The following RBFOX1 variants were observed in gnomAD, a reference collection of about 807,000 sequenced individuals.
The protein encoded by RBFOX1 is RNA binding fox-1 homolog 1.
Under a neutral mutation model 57.7 loss-of-function variants are expected in RBFOX1, and 8 were observed. The ratio of observed to expected loss-of-function variants is 0.14; its 90% confidence interval spans 0.08 to 0.25. The LOEUF is 0.25. Ranked by LOEUF, RBFOX1 falls within the 10% of genes least tolerant of loss-of-function variation. RBFOX1 has a pLI of 1.00. For missense variants in RBFOX1, 611 were observed against 548.5 expected (o/e 1.11, Z -1.14); for synonymous variants, 326 against 222.4 (o/e 1.47, Z -4.15).
intron 3 of RBFOX1, among the ~76,000 whole-genome samples, chr16:7,032,961 G>C (rs1195103627): frequency 6.6e-6 from 1 of 152,190 alleles, no homozygotes; most frequent in Non-Finnish European, 1.5e-5. Context: ...TTGGGAGACA[G>C]TGTGAGTCAG....
chr16:5,715,352 C>T (rs1456458125), intron 3 of RBFOX1, among the ~76,000 whole-genome samples: 3 of 152,198 alleles, frequency 2.0e-5, no homozygotes, highest in African/African-American at 7.2e-5. Context: ...CCATAACTCA[C>T]CTCTGTCCCT....
intron 3 of RBFOX1, among the ~76,000 whole-genome samples, chr16:6,773,415 G>C (rs1156261796): frequency 1.3e-5 from 2 of 149,114 alleles, no homozygotes; most frequent in Non-Finnish European, 3.0e-5. Context: ...CTATGTGTAT[G>C]TGTGGGAGTT....
intron 1 of RBFOX1, among the ~76,000 whole-genome samples, chr16:5,360,889 G>A (rs972952567): frequency 6.6e-5 from 10 of 152,290 alleles, no homozygotes; most frequent in African/African-American, 2.2e-4. Flanking sequence ...TGCTTTCCCA[G>A]CAGCACAAGC....
chr16:7,517,488 C>T (rs1223230811), intron 4 of RBFOX1, among the ~76,000 whole-genome samples: 3 of 151,660 alleles, frequency 2.0e-5, no homozygotes, highest in African/African-American at 7.3e-5. Context: ...AAATTAGGCC[C>T]TGAATTTGTA....
intron 2 of RBFOX1, among the ~76,000 whole-genome samples, chr16:5,592,880 A>G (rs1544532): frequency 0.63 from 96,302 of 152,008 alleles, 32,964 homozygotes; most frequent in East Asian, 0.97. Flanking sequence ...GGGCCCTGGC[A>G]GCCTGGTAGA....
rs148119544 is a variant in RBFOX1 at position 6,386,963 on chromosome 16, G to T, written c.-64+69906G>T. Among the ~76,000 whole-genome samples, 129 of 152,246 alleles carry T rather than the reference G, an allele frequency of 8.5e-4. 2 individuals carry two copies. The East Asian group carries it at 0.023, about 27-fold the overall frequency. On this transcript the variant is annotated intron_variant, in intron 2 of 15. Transcript: ENST00000550418. The stretch of plus-strand genomic sequence containing the variant: ...GAAAAATAAAGAGAGAGGTGTTGGG[G>T]TAGTTATTGATTCCGCAAAGATGAA...
upstream of RBFOX1, among the ~76,000 whole-genome samples, chr16:6,014,112 T>C (rs1327502941): frequency 1.1e-4 from 16 of 151,924 alleles, no homozygotes; most frequent in Admixed American, 1.0e-3. Context: ...TAAAGTATAA[T>C]AAAAAAATTA....
At chr16:6,077,512 G>T (rs2095922511) in intron 1 of RBFOX1, among the ~76,000 whole-genome samples, 1 of 152,078 alleles carries the variant, frequency 6.6e-6, no homozygotes, top group South Asian at 2.1e-4. Context: ...TCTTGGAATT[G>T]TGTCGTGCTC....
intron 3 of RBFOX1, among the ~76,000 whole-genome samples, chr16:5,610,080 A>G (rs1373463415): frequency 6.6e-6 from 1 of 151,994 alleles, no homozygotes; most frequent in East Asian, 1.9e-4. Context: ...AGTGTATTTT[A>G]CTTACTTGCC....
chr16:5,882,775 T>C (rs1418095226), intron 4 of RBFOX1, among the ~76,000 whole-genome samples: 2 of 152,168 alleles, frequency 1.3e-5, no homozygotes, highest in African/African-American at 2.4e-5. Flanking sequence ...CACAATACAT[T>C]ACTGCAAATT....
chr16:6,067,484 C>G (rs761801401), intron 1 of RBFOX1, among the ~76,000 whole-genome samples: 2 of 152,138 alleles, frequency 1.3e-5, no homozygotes, highest in African/African-American at 2.4e-5. Context: ...AAATCACTAA[C>G]CGTACTTGTC....
At position 6,097,126 on chromosome 16, in the gene RBFOX1, C is replaced by T. The variant is rs562830779; in HGVS notation, c.-127+77134C>T. ...ATCTGATGGTTTGATAAGGGGAAATCGCTTTCACTTCGTTCTTATATTCTT... is the reference window on the plus strand; with the variant it reads ...ATCTGATGGTTTGATAAGGGGAAATTGCTTTCACTTCGTTCTTATATTCTT... On this transcript the variant is annotated intron_variant, in intron 1 of 15. Transcript: ENST00000550418. The surrounding 1 kb of genome is among the most constrained non-coding windows in gnomAD (Gnocchi z 5.0). Among the ~76,000 whole-genome samples, 9 of 152,182 alleles carry T rather than the reference C, an allele frequency of 5.9e-5. No homozygotes were observed. In the South Asian group the frequency reaches 1.5e-3, roughly 25 times the overall value.
chr16:7,163,741 C>T (rs746508175), intron 4 of RBFOX1, among the ~76,000 whole-genome samples: 1 of 152,144 alleles, frequency 6.6e-6, no homozygotes, highest in Non-Finnish European at 1.5e-5. Context: ...ACTGCAACCT[C>T]TGCCTCGTGG....
intron 1 of RBFOX1, among the ~76,000 whole-genome samples, chr16:5,395,993 T>A (rs1317990348): frequency 1.3e-5 from 2 of 152,204 alleles, no homozygotes; most frequent in African/African-American, 4.8e-5. Context: ...ACAGCCCCAC[T>A]GTTGCCTGAA....
chr16:7,281,487 A>C (rs527364414), intron 4 of RBFOX1, among the ~76,000 whole-genome samples: 1 of 152,250 alleles, frequency 6.6e-6, no homozygotes, highest in South Asian at 2.1e-4. Flanking sequence ...ATCTCTCCCA[A>C]GTTTGTAGTG....
At chr16:5,702,688 C>A (rs903405479) in intron 3 of RBFOX1, among the ~76,000 whole-genome samples, 4 of 152,138 alleles carry the variant, frequency 2.6e-5, no homozygotes, top group Non-Finnish European at 1.5e-5. Context: ...TATCAATTGA[C>A]CCATCTGTAA....
chr16:6,388,163 T>C (rs1043737660), intron 2 of RBFOX1, among the ~76,000 whole-genome samples: 2 of 151,986 alleles, frequency 1.3e-5, no homozygotes, highest in Non-Finnish European at 2.9e-5. Flanking sequence ...AGATGGAGTT[T>C]CACCTTGTTA....
rs373500616 is a variant in RBFOX1, at chr16:7,145,312, C to G, written c.27+93214C>G. On this transcript the variant is annotated intron_variant, in intron 4 of 15. Coordinates refer to ENST00000550418, the MANE Select transcript of RBFOX1 (RefSeq NM_018723.4). The stretch of plus-strand genomic sequence containing the variant: ...CTCAACTTCCCGGGTACAAGAGATT[C>G]TCCTGCCTTAGCCTCCCGATTAGCT... Among the ~76,000 whole-genome samples, 183 of 152,284 alleles carry G rather than the reference C, an allele frequency of 1.2e-3. 1 individual carries two copies. The highest frequency in any genetic ancestry group is 4.0e-3 in the African/African-American group (167 of 41,560).
chr16:6,674,802 A>G (rs1228041942), intron 3 of RBFOX1, among the ~76,000 whole-genome samples: 2 of 152,230 alleles, frequency 1.3e-5, no homozygotes, highest in African/African-American at 4.8e-5. Context: ...TAGAGTCCCC[A>G]GAGAAAACAA....
Sources: gnomAD v4.1 joint callset for allele counts (sites outside exome capture counted in the v4.1 genomes callset) on GRCh38, gnomAD v4.1.1 for gene constraint, Gnocchi (gnomAD v3.1) non-coding constraint, MANE v1.5 for transcripts, NCBI Gene and HGNC (gene_info 2026-07-23, HGNC 2026-07-21) for gene names.